Variants in FBXL7 observed in about 807,000 individuals in gnomAD.
FBXL7 encodes the protein F-box/LRR-repeat protein 7.
Under a neutral mutation model 38.3 loss-of-function variants are expected in FBXL7, and 12 were observed. The ratio of observed to expected loss-of-function variants is 0.31; its 90% CI spans 0.20 to 0.51. FBXL7 has a LOEUF of 0.51. FBXL7 is among the 20% of genes least tolerant of loss of function. FBXL7 has a pLI of 0.98. For synonymous variants in FBXL7, 297 were observed against 300.9 expected (o/e 0.99, Z 0.13); for missense variants, 567 against 676.4 (o/e 0.84, Z 1.79).
chr5:15,895,633 CTTTTTTTTTTTTTT>C (rs903652361), intron 2 of FBXL7, among the ~76,000 whole-genome samples: 15 of 98,076 alleles, frequency 1.5e-4, no homozygotes, highest in East Asian at 3.2e-4. Context: ...CTTTTTCATA[CTTTTTTTTTTTTTT>C]TTTTTTTTTT....
At position 15,936,330 on chromosome 5, in the gene FBXL7, A is replaced by T. The variant is rs1016129588; in HGVS notation, c.740-120A>T. On this transcript the variant is annotated intron_variant, in intron 3 of 3. Transcript: ENST00000504595. This position sits in a 1 kb window ranked among gnomAD's most constrained non-coding sequence, Gnocchi z 6.0. ...CTCTCTATAGAGACCAAGACAGGAA[A>T]GGGTAACATCAGCCTCGGACCCAGA... The T allele has an allele frequency of 3.4e-6, 4 of 1,192,672 alleles. No individual in the cohort carries two copies. The African/African-American group carries it at 6.1e-5, about 18-fold the overall frequency. 73.9% of individuals were successfully genotyped at this position (1,192,672 alleles called of 1,614,324 possible).
intron 2 of FBXL7, among the ~76,000 whole-genome samples, chr5:15,774,214 A>G (rs1736801708): frequency 6.6e-6 from 1 of 151,764 alleles, no homozygotes. Context: ...TCACCTTGTC[A>G]TTCAAACTTC....
chr5:15,558,790 G>C (rs944686138), intron 1 of FBXL7, among the ~76,000 whole-genome samples: 2 of 152,132 alleles, frequency 1.3e-5, no homozygotes, highest in African/African-American at 2.4e-5. Flanking sequence ...TCTATTCTAT[G>C]GAGTCTCATA....
intron 2 of FBXL7, among the ~76,000 whole-genome samples, chr5:15,786,024 CAT>C (rs1737123341): frequency 6.6e-6 from 1 of 152,154 alleles, no homozygotes; most frequent in Non-Finnish European, 1.5e-5. Context: ...AGACTGTCAT[CAT>C]AAAGTGAGTC....
chr5:15,538,037 G>A lies in FBXL7; in HGVS notation c.37+37324G>A, dbSNP rs73751977. On this transcript the variant is annotated intron_variant, in intron 1 of 3. Transcript: ENST00000504595. ...TATCAACTAGACCCAGGTTTCATCA[G>A]TACCAGTCAAATCAGATCTCTTCTG... Among the ~76,000 whole-genome samples the A allele has an allele frequency of 8.9e-3, 1,355 of 152,306 alleles. 17 individuals carry two copies. The highest frequency in any genetic ancestry group is 0.03 in the African/African-American group (1,256 of 41,562).
At chr5:15,654,941 T>G (rs1352174851) in intron 2 of FBXL7, among the ~76,000 whole-genome samples, 1 of 152,248 alleles carries the variant, frequency 6.6e-6, no homozygotes, top group Non-Finnish European at 1.5e-5. Context: ...TTGCATAGTA[T>G]GTACACGCTA....
At chr5:15,601,967 T>G (rs1008596841) in intron 1 of FBXL7, among the ~76,000 whole-genome samples, 2 of 152,058 alleles carry the variant, frequency 1.3e-5, no homozygotes, top group African/African-American at 4.8e-5. Context: ...CTAATATGAC[T>G]GATGTCCTTA....
chr5:15,885,622 T>G (rs771706154), intron 2 of FBXL7, among the ~76,000 whole-genome samples: 3 of 152,172 alleles, frequency 2.0e-5, no homozygotes, highest in Non-Finnish European at 2.9e-5. Flanking sequence ...GTTCAAAACA[T>G]ACAGATAATT....
At chr5:15,514,229 T>A (rs368067880) in intron 1 of FBXL7, among the ~76,000 whole-genome samples, 14 of 152,342 alleles carry the variant, frequency 9.2e-5, no homozygotes, top group African/African-American at 3.4e-4. Context: ...TTCAATCCAA[T>A]GTTGAAATTC....
intron 2 of FBXL7, among the ~76,000 whole-genome samples, chr5:15,818,741 T>A (rs946956531): frequency 1.4e-4 from 6 of 43,166 alleles, no homozygotes; most frequent in Non-Finnish European, 1.9e-4. Context: ...TGTGTGTGTG[T>A]GTGAGAGAGA....
chr5:15,797,537 G>A (rs1355372833), intron 2 of FBXL7, among the ~76,000 whole-genome samples: 1 of 152,200 alleles, frequency 6.6e-6, no homozygotes, highest in East Asian at 1.9e-4. Flanking sequence ...CAGAGTGGTA[G>A]AATGAATCTC....
intron 2 of FBXL7, among the ~76,000 whole-genome samples, chr5:15,768,120 G>T (rs566582219): frequency 4.6e-5 from 7 of 152,296 alleles, no homozygotes; most frequent in Non-Finnish European, 7.4e-5. Context: ...TTACACTGAT[G>T]TAGAGGGAAA....
At chr5:15,635,863 T>C (rs1159601307) in intron 2 of FBXL7, among the ~76,000 whole-genome samples, 3 of 151,428 alleles carry the variant, frequency 2.0e-5, no homozygotes, top group Admixed American at 6.6e-5. Context: ...CTTGGGACCA[T>C]GTGAGAGAGA....
At position 15,559,925 on chromosome 5, in the gene FBXL7, A is replaced by G. The variant is rs16903925; in HGVS notation, c.38-56058A>G. Among the ~76,000 whole-genome samples the G allele has an allele frequency of 1.6e-3, 237 of 152,356 alleles. 1 individual carries two copies. The highest frequency in any genetic ancestry group is 5.5e-3 in the African/African-American group (227 of 41,588). On this transcript the variant is annotated intron_variant, in intron 1 of 3. Coordinates refer to ENST00000504595, the MANE Select transcript of FBXL7 (RefSeq NM_012304.5). The stretch of plus-strand genomic sequence containing the variant: ...ACTATCTCTACTTGTGAATTCATGC[A>G]GAATCCAGTTACACGCAATCACTTT...
intron 2 of FBXL7, among the ~76,000 whole-genome samples, chr5:15,915,715 G>A (rs918878922): frequency 6.6e-6 from 1 of 152,146 alleles, no homozygotes; most frequent in Non-Finnish European, 1.5e-5. Flanking sequence ...TTGATGCCGG[G>A]AAAAATGGTC....
At position 15,651,100 on chromosome 5, in the gene FBXL7, C is replaced by CT. The variant is rs1430797556; in HGVS notation, c.127+35042dup. ...ACAAAACATACTTCTTTTTTTTTTT[C>CT]TTTTTTTTTTTTTTGTGATGATGTC... On this transcript the variant is annotated intron_variant, in intron 2 of 3. Coordinates refer to ENST00000504595, the MANE Select transcript of FBXL7 (RefSeq NM_012304.5). Among the ~76,000 whole-genome samples, 677 of 128,302 alleles carry CT rather than the reference C, an allele frequency of 5.3e-3. 2 individuals carry two copies. The highest frequency in any genetic ancestry group is 0.012 in the African/African-American group (427 of 35,740). 84.2% of individuals were successfully genotyped at this position (128,302 alleles called of 152,430 possible). A position where few individuals can be genotyped will look rare whatever the true frequency, so the allele number is the denominator to read the frequency against.
intron 2 of FBXL7, among the ~76,000 whole-genome samples, chr5:15,685,125 T>C (rs1742976238): frequency 6.6e-6 from 1 of 152,132 alleles, no homozygotes; most frequent in African/African-American, 2.4e-5. Context: ...GACAGAAGTA[T>C]CTCTTTCACA....
chr5:15,827,645 T>C (rs1738351881), intron 2 of FBXL7, among the ~76,000 whole-genome samples: 1 of 152,134 alleles, frequency 6.6e-6, no homozygotes, highest in Non-Finnish European at 1.5e-5. Context: ...CACTCCATGA[T>C]AACGACATTA....
intron 2 of FBXL7, among the ~76,000 whole-genome samples, chr5:15,678,905 TG>T (rs1416954863): frequency 6.6e-6 from 1 of 152,138 alleles, no homozygotes; most frequent in East Asian, 1.9e-4. Flanking sequence ...ACTGTGAAAA[TG>T]GACTAATACA....
Sources: allele counts gnomAD v4.1 joint callset (sites outside exome capture counted in the v4.1 genomes callset), GRCh38; gene constraint gnomAD v4.1.1; non-coding constraint Gnocchi (gnomAD v3.1); transcripts MANE v1.5; gene names NCBI Gene and HGNC (gene_info 2026-07-23, HGNC 2026-07-21).